NDUFS4: variants seen among roughly 807,000 people sequenced by gnomAD.
The protein encoded by NDUFS4 is NADH dehydrogenase [ubiquinone] iron-sulfur protein 4, mitochondrial.
A neutral mutation model predicts 24.3 loss-of-function variants in NDUFS4; 28 were observed. The observed-to-expected ratio is 1.15, with a 90% CI of 0.85 to 1.58. The LOEUF (loss-of-function observed/expected upper bound fraction) is 1.58. Among genes scored for constraint, NDUFS4 ranks in the 40% most tolerant of loss-of-function variants. NDUFS4 has a pLI of 0.00. For missense variants in NDUFS4, 223 were observed against 207.9 expected, an observed-to-expected ratio of 1.07 and a Z score of -0.45; for synonymous variants, 93 against 69.7, an observed-to-expected ratio of 1.34 and a Z score of -1.67.
intron 1 of NDUFS4, among the ~76,000 whole-genome samples, chr5:53,599,793 T>C (rs1750252031): frequency 6.6e-6 from 1 of 152,056 alleles, no homozygotes; most frequent in African/African-American, 2.4e-5. Flanking sequence ...CTTCTGTCAT[T>C]TTTTCCTTTA....
chr5:53,674,941 C>G (rs554002657), intron 4 of NDUFS4, among the ~76,000 whole-genome samples: 41 of 152,058 alleles, frequency 2.7e-4, no homozygotes, highest in Admixed American at 7.9e-4. Context: ...TCTTGTTTGT[C>G]AAGATTTACC....
intron 4 of NDUFS4, among the ~76,000 whole-genome samples, chr5:53,671,669 T>G (rs1740248837): frequency 6.6e-6 from 1 of 152,130 alleles, no homozygotes; most frequent in Non-Finnish European, 1.5e-5. Flanking sequence ...TGTCTTTCCT[T>G]GTGTTATGTA....
chr5:53,635,216 C>G (rs867865771), intron 2 of NDUFS4, among the ~76,000 whole-genome samples: 1 of 136,954 alleles, frequency 7.3e-6, no homozygotes, highest in African/African-American at 2.9e-5. Flanking sequence ...AATAAATAAC[C>G]AACCAACCAA....
chr5:53,595,575 C>T (rs1750110188), intron 1 of NDUFS4, among the ~76,000 whole-genome samples: 1 of 152,106 alleles, frequency 6.6e-6, no homozygotes, highest in Admixed American at 6.5e-5. Flanking sequence ...TTTTGATAAC[C>T]TGTTGCTATA....
chr5:53,601,732 C>T (rs917728965), intron 1 of NDUFS4, among the ~76,000 whole-genome samples: 2 of 152,086 alleles, frequency 1.3e-5, no homozygotes, highest in African/African-American at 4.8e-5. Flanking sequence ...AATCTCATGC[C>T]GTCCAGCTCT....
chr5:53,564,472 T>G (rs1303306982), intron 1 of NDUFS4, among the ~76,000 whole-genome samples: 1 of 152,260 alleles, frequency 6.6e-6, no homozygotes, highest in Non-Finnish European at 1.5e-5. Context: ...TTGTTTCTTT[T>G]CCTCTTTCCA....
intron 4 of NDUFS4, among the ~76,000 whole-genome samples, chr5:53,678,658 T>G (rs1262994875): frequency 6.6e-6 from 1 of 152,170 alleles, no homozygotes; most frequent in African/African-American, 2.4e-5. Flanking sequence ...GTTTGGGCTC[T>G]TTCTTTTAAA....
chr5:53,645,036 A>G (rs1751819163), intron 2 of NDUFS4, among the ~76,000 whole-genome samples: 2 of 152,264 alleles, frequency 1.3e-5, no homozygotes, highest in Non-Finnish European at 1.5e-5. Flanking sequence ...TGAAACTACA[A>G]ATAAACATTA....
intron 1 of NDUFS4, among the ~76,000 whole-genome samples, chr5:53,575,447 G>A (rs72750148): frequency 0.094 from 14,087 of 149,836 alleles, 780 homozygotes; most frequent in Middle Eastern, 0.14. Flanking sequence ...AAAGCTAAAC[G>A]CTAACATTTC....
intron 3 of NDUFS4, among the ~76,000 whole-genome samples, chr5:53,653,189 T>C (rs1270793975): frequency 6.6e-6 from 1 of 152,166 alleles, no homozygotes; most frequent in Non-Finnish European, 1.5e-5. Context: ...TATGAATCTG[T>C]CATTCAGCTT....
At chr5:53,613,863 G>C (rs1288215678) in intron 2 of NDUFS4, among the ~76,000 whole-genome samples, 1 of 151,896 alleles carries the variant, frequency 6.6e-6, no homozygotes, top group Admixed American at 6.6e-5. Flanking sequence ...TCAAGTAATG[G>C]AAAATGTTAA....
chr5:53,663,774 G>C (rs1752420276), intron 4 of NDUFS4, among the ~76,000 whole-genome samples: 1 of 152,150 alleles, frequency 6.6e-6, no homozygotes, highest in Admixed American at 6.5e-5. Context: ...GATGGGTCCT[G>C]ACTCTGTATC....
chr5:53,654,508 A>G (rs1039511795), intron 3 of NDUFS4, among the ~76,000 whole-genome samples: 1 of 152,126 alleles, frequency 6.6e-6, no homozygotes, highest in African/African-American at 2.4e-5. Context: ...GTTTATTAAA[A>G]TATTGGTTTT....
At chr5:53,570,259 G>T (rs745995043) in intron 1 of NDUFS4, among the ~76,000 whole-genome samples, 1 of 152,132 alleles carries the variant, frequency 6.6e-6, no homozygotes, top group East Asian at 1.9e-4. Context: ...TTTTGAGACT[G>T]TAATATAAAT....
In NDUFS4 at chr5:53,683,265, C is replaced by A; in HGVS notation, c.*44C>A. The A allele has an allele frequency of 1.5e-6, 2 of 1,368,692 alleles. No individual in the cohort carries two copies. Among genetic ancestry groups the A allele is most frequent in the Non-Finnish European group, 1.0e-6 (1 of 957,108 alleles). 84.8% of individuals were successfully genotyped at this position (1,368,692 alleles called of 1,614,324 possible). ...TCTGCTTGACTGTGAATAAAGTCAG[C>A]TGTGCAGTATTTATAGTCCATGTAT... On this transcript the variant is annotated 3_prime_UTR_variant, in exon 5 of 5. Coordinates refer to ENST00000296684, the MANE Select transcript of NDUFS4 (RefSeq NM_002495.4).
intron 1 of NDUFS4, among the ~76,000 whole-genome samples, chr5:53,590,714 G>A (rs1463421136): frequency 6.6e-6 from 1 of 152,132 alleles, no homozygotes; most frequent in African/African-American, 2.4e-5. Context: ...CTTTATTGGT[G>A]TTGTAAACCA....
intron 3 of NDUFS4, among the ~76,000 whole-genome samples, chr5:53,657,664 C>T (rs1752202439): frequency 2.0e-5 from 3 of 152,218 alleles, no homozygotes; most frequent in African/African-American, 7.2e-5. Flanking sequence ...GTGGCTCAAA[C>T]CTGTAATACC....
chr5:53,588,997 T>C (rs1561346176), intron 1 of NDUFS4, among the ~76,000 whole-genome samples: 3 of 151,170 alleles, frequency 2.0e-5, no homozygotes, highest in Non-Finnish European at 3.0e-5. Flanking sequence ...AAAAAAAAAT[T>C]AGGAGGTGAT....
At chr5:53,565,349 A>G (rs988114733) in intron 1 of NDUFS4, among the ~76,000 whole-genome samples, 1 of 152,242 alleles carries the variant, frequency 6.6e-6, no homozygotes, top group African/African-American at 2.4e-5. Flanking sequence ...ATATACACTC[A>G]TATTTGCAAG....
Sources: gnomAD v4.1 joint callset for allele counts (sites outside exome capture counted in the v4.1 genomes callset) on GRCh38, gnomAD v4.1.1 for gene constraint, MANE v1.5 for transcripts, NCBI Gene and HGNC (gene_info 2026-07-23, HGNC 2026-07-21) for gene names.